The following PGK1 variants were observed in gnomAD, a reference collection of about 807,000 sequenced individuals.
PGK1 encodes PRP 2.
A neutral mutation model predicts 26.9 loss-of-function variants in PGK1; 3 were observed. The ratio of observed to expected loss-of-function variants is 0.11; its 90% CI spans 0.05 to 0.29. The LOEUF (loss-of-function observed/expected upper bound fraction) is 0.29. Ranked by LOEUF, PGK1 falls within the 10% of genes least tolerant of loss-of-function variation. The pLI, the probability that PGK1 is intolerant of heterozygous loss-of-function variation, is 1.00. For missense variants in PGK1, 270 were observed against 314.7 expected (o/e 0.86, Z 1.07); for synonymous variants, 125 against 115.3 (o/e 1.08, Z -0.54).
chrX:78,104,517 C>A, intron 1 of PGK1, 112 bp downstream of exon 1: 1 of 626,760 alleles, frequency 1.6e-6, no homozygotes, highest in Admixed American at 2.6e-5. Context: ...TGGCTGGGCC[C>A]CAGGGGTCCT....
In PGK1 at chrX:78,104,545, C is replaced by T. The variant is rs183247306; in HGVS notation, c.65+140C>T. On this transcript the variant is annotated intron_variant, in intron 1 of 10. Transcript: ENST00000373316. The stretch of plus-strand genomic sequence containing the variant: ...GGGGTCCTAGGCTTGGAGGGCGAGG[C>T]TGCTCACGGGTTTGGTGGTTTCTAG... 535 of 547,237 alleles carry T rather than the reference C, an allele frequency of 9.8e-4. 2 individuals carry two copies. The African/African-American group carries it at 0.01, about 10-fold the overall frequency. 45.1% of individuals were successfully genotyped at this position (547,237 alleles called of 1,213,427 possible).
intron 1 of PGK1, among the ~76,000 whole-genome samples, chrX:78,108,663 T>C (rs1023427202): frequency 9.0e-6 from 1 of 111,583 alleles, no homozygotes; most frequent in Non-Finnish European, 1.9e-5. Context: ...GGAAGGGGTA[T>C]TTAAAAAGGC....
Position 78,105,239 on chromosome X carries a change from C to A in PGK1, c.65+834C>A, listed in dbSNP as rs782730731. ...CTTGCCAACACGGTTTCTCTCTTATCTGCCAGAATTGTTGGTAGAGTGGGC... is the reference window on the plus strand; with the variant it reads ...CTTGCCAACACGGTTTCTCTCTTATATGCCAGAATTGTTGGTAGAGTGGGC... On this transcript the variant is annotated intron_variant, in intron 1 of 10. Transcript: ENST00000373316. 2.7e-5 allele frequency among the ~76,000 whole-genome samples: 3 copies of A among 112,287 alleles called. No individual in the cohort carries two copies. The South Asian group carries it at 1.1e-3, about 41-fold the overall frequency.
intron 1 of PGK1, among the ~76,000 whole-genome samples, chrX:78,108,095 A>G (rs1385136055): frequency 1.8e-5 from 2 of 111,968 alleles, no homozygotes; most frequent in African/African-American, 3.2e-5. Flanking sequence ...TGTAGGAGAT[A>G]AGGGGAGGTA....
Position 78,126,108 on chromosome X carries a change from AAGTG to A in PGK1, c.*281_*284del, listed in dbSNP as rs1245911024. The A allele has an allele frequency of 5.3e-6, 2 of 377,333 alleles. No individual in the cohort carries two copies. The highest frequency in any genetic ancestry group is 2.5e-5 in the African/African-American group (1 of 39,555). 31.1% of individuals were successfully genotyped at this position (377,333 alleles called of 1,213,427 possible). On this transcript the variant is annotated 3_prime_UTR_variant, in exon 11 of 11. Transcript: ENST00000373316. ...ATTTATATTTTGCCTGTTAAAAAGA[AAGTG>A]AGCAGTGTTAGCTTAGTTCTCTTTT... is the stretch of plus-strand genomic sequence containing the variant.
chrX:78,119,301 C>T (rs1284406821), intron 6 of PGK1, among the ~76,000 whole-genome samples: 1 of 111,970 alleles, frequency 8.9e-6, no homozygotes, highest in African/African-American at 3.2e-5. Context: ...TAATGATTTT[C>T]CAATGGGTTA....
chrX:78,107,597 T>G (rs964690928), intron 1 of PGK1, among the ~76,000 whole-genome samples: 6 of 112,648 alleles, frequency 5.3e-5, no homozygotes, highest in Non-Finnish European at 1.1e-4. Context: ...CTGAGTAGTA[T>G]TCCATGGTGT....
intron 8 of PGK1, among the ~76,000 whole-genome samples, chrX:78,124,480 T>A (rs782254633): frequency 3.6e-5 from 4 of 110,626 alleles, no homozygotes; most frequent in Non-Finnish European, 7.6e-5. Context: ...GACTGTTGAA[T>A]TGTAAGGTTG....
intron 6 of PGK1, among the ~76,000 whole-genome samples, chrX:78,122,409 TTGTGTG>T (rs201442984): frequency 0.19 from 16,636 of 88,694 alleles, 1,402 homozygotes; most frequent in African/African-American, 0.27. Context: ...TGCTCTGAAT[TTGTGTG>T]TGTGTGTGTG....
At chrX:78,125,141 T>C in intron 9 of PGK1, 90 bp downstream of exon 9, 2 of 863,155 alleles carry the variant, frequency 2.3e-6, no homozygotes. Flanking sequence ...TCTATGTCTC[T>C]TTATTCTGGG....
chrX:78,123,573 G>A (rs1298915904), intron 8 of PGK1, among the ~76,000 whole-genome samples, 199 bp downstream of exon 8: 6 of 110,498 alleles, frequency 5.4e-5, no homozygotes, highest in Middle Eastern at 4.7e-3. Context: ...CTGGCCTTCA[G>A]TAATGCAGTA....
In PGK1 at chrX:78,125,354, C is replaced by T; in HGVS notation, c.1142C>T (p.Ala381Val). Residue 381 changes from alanine to valine, a missense_variant, in exon 10 of 11, where the codon GCC becomes GTC. Around this residue, in one of 3 missense-constraint regions of PGK1, gnomAD observed 103 missense variants for 114.6 expected, o/e 0.90. Coordinates refer to ENST00000373316, the MANE Select transcript of PGK1 (RefSeq NM_000291.4). ...IGGGDTATCC[A>V]KWNTEDKVSH... is the part of the protein sequence containing the mutation. ...GGTGGAGACACTGCCACTTGCTGTGCCAAATGGAACACGGAGGATAAAGTC... is the reference window on the plus strand; with the variant it reads ...GGTGGAGACACTGCCACTTGCTGTGTCAAATGGAACACGGAGGATAAAGTC... The T allele has an allele frequency of 8.3e-7, 1 of 1,205,061 alleles. No individual in the cohort carries two copies. Among genetic ancestry groups the T allele is most frequent in the Non-Finnish European group, 1.1e-6 (1 of 889,826 alleles).
chrX:78,118,418 A>C (rs2078336672), intron 6 of PGK1, among the ~76,000 whole-genome samples: 1 of 109,796 alleles, frequency 9.1e-6, no homozygotes, highest in African/African-American at 3.3e-5. Flanking sequence ...TCTCATGTCT[A>C]CAAAAAAAAA....
In PGK1 at chrX:78,126,144, G is replaced by C. The variant is rs1557248683; in HGVS notation, c.*314G>C. ...GTTAGCTTAGTTCTCTTTTGATGTA[G>C]GTTATTATGATTAGCTTTGTCACTG... On this transcript the variant is annotated 3_prime_UTR_variant, in exon 11 of 11. Transcript: ENST00000373316. The C allele has an allele frequency of 3.5e-6, 1 of 284,547 alleles. No homozygotes were observed. Among genetic ancestry groups the C allele is most frequent in the Admixed American group, 5.1e-5 (1 of 19,555 alleles). 23.4% of individuals were successfully genotyped at this position (284,547 alleles called of 1,213,427 possible).
At position 78,122,410 on chromosome X, in the gene PGK1, TGTGTGTG is replaced by T. The variant is rs1282574776; in HGVS notation, c.642-424_642-418del. Among the ~76,000 whole-genome samples the T allele has an allele frequency of 1.8e-4, 5 of 27,155 alleles. No individual in the cohort carries two copies. The African/African-American group carries it at 3.5e-3, about 19-fold the overall frequency. 23.6% of individuals were successfully genotyped at this position (27,155 alleles called of 115,157 possible). A position where few individuals can be genotyped will look rare whatever the true frequency, so the allele number is the denominator to read the frequency against. On this transcript the variant is annotated intron_variant, in intron 6 of 10. Coordinates refer to ENST00000373316, the MANE Select transcript of PGK1 (RefSeq NM_000291.4). ...ATTAGCAATCTTGATGCTCTGAATTTGTGTGTGTGTGTGTGTGTGTGTGTGTGTGTGT... is the reference window on the plus strand; with the variant it reads ...ATTAGCAATCTTGATGCTCTGAATTTTGTGTGTGTGTGTGTGTGTGTGTGT...
chrX:78,118,215 G>T, intron 6 of PGK1, 45 bp downstream of exon 6: 1 of 1,180,594 alleles, frequency 8.5e-7, no homozygotes. Flanking sequence ...TTGTTTGCCT[G>T]GTAGTAGGCC....
At chrX:78,109,261 A>G (rs1377807675) in intron 1 of PGK1, among the ~76,000 whole-genome samples, 3 of 111,473 alleles carry the variant, frequency 2.7e-5, no homozygotes, top group African/African-American at 9.8e-5. Flanking sequence ...AAGGACCCCT[A>G]GTCTTAAGGC....
Position 78,104,305 on chromosome X carries a change from G to GA in PGK1, c.-34dup. On this transcript the variant is annotated 5_prime_UTR_variant, in exon 1 of 11. Transcript: ENST00000373316. ...TCGGCAGTCGGCTCCCTCGTTGACC[G>GA]AATCACCGACCTCTCTCCCCAGCTG... is the stretch of plus-strand genomic sequence containing the variant. 1 of 1,092,665 alleles carries GA rather than the reference G, an allele frequency of 9.2e-7. No homozygotes were observed. The highest frequency in any genetic ancestry group is 1.3e-6 in the Non-Finnish European group (1 of 788,335). The allele number at this position is 1,092,665 out of a possible 1,213,427, so 90.0% of individuals were successfully genotyped here.
intron 1 of PGK1, chrX:78,106,299 A>G (rs188874177): frequency 8.1e-6 from 4 of 495,396 alleles, no homozygotes; most frequent in African/African-American, 5.2e-5. Context: ...TTGGCTATCA[A>G]CTAGATCCTC....
Sources: allele counts gnomAD v4.1 joint callset (sites outside exome capture counted in the v4.1 genomes callset), GRCh38; gene constraint gnomAD v4.1.1; regional missense constraint gnomAD v4.1.1; transcripts MANE v1.5; gene names NCBI Gene and HGNC (gene_info 2026-07-23, HGNC 2026-07-21).